The following MPDZ variants were observed in gnomAD, a reference collection of about 807,000 sequenced individuals.
MPDZ encodes the protein multiple PDZ domain protein.
In MPDZ, 234 loss-of-function variants were observed where a neutral mutation model predicts 239.1. The ratio of observed to expected loss-of-function variants is 0.98; its 90% CI spans 0.88 to 1.09. The LOEUF (loss-of-function observed/expected upper bound fraction) is 1.09. MPDZ is among the 50% of genes least tolerant of loss of function. The pLI is 0.00. For synonymous variants in MPDZ, 1,048 were observed against 881.3 expected (o/e 1.19, Z -3.35); for missense variants, 3,175 against 2,510.0 (o/e 1.26, Z -5.66).
chr9:13,272,430 A>G (rs1451037049), intron 1 of MPDZ, among the ~76,000 whole-genome samples: 4 of 152,314 alleles, frequency 2.6e-5, no homozygotes, highest in South Asian at 2.1e-4. Context: ...AGCCATTCCA[A>G]TGCTATAGTT....
chr9:13,257,748 C>A (rs914960291), intron 1 of MPDZ, among the ~76,000 whole-genome samples: 1 of 152,004 alleles, frequency 6.6e-6, no homozygotes, highest in Non-Finnish European at 1.5e-5. Flanking sequence ...TAGAGGGTTG[C>A]CAGATTTATC....
At chr9:13,172,167 G>C (rs1314636139) in intron 21 of MPDZ, among the ~76,000 whole-genome samples, 3 of 152,172 alleles carry the variant, frequency 2.0e-5, no homozygotes, top group Non-Finnish European at 4.4e-5. Flanking sequence ...GCCTTGGCAT[G>C]CAGTAAATTT....
chr9:13,168,874 T>C (rs1297671401), intron 21 of MPDZ, among the ~76,000 whole-genome samples: 7 of 152,176 alleles, frequency 4.6e-5, no homozygotes, highest in Non-Finnish European at 1.5e-5. Context: ...GAGAGTACTA[T>C]GATAGTATCA....
chr9:13,135,937 GTCT>G, intron 31 of MPDZ, 152 bp downstream of exon 31: 1 of 535,300 alleles, frequency 1.9e-6, no homozygotes, highest in Non-Finnish European at 3.3e-6. Flanking sequence ...TTCCATGAGT[GTCT>G]TCTTATACTA....
At chr9:13,146,617 C>A (rs1354942378) in intron 26 of MPDZ, among the ~76,000 whole-genome samples, 1 of 151,798 alleles carries the variant, frequency 6.6e-6, no homozygotes, top group Non-Finnish European at 1.5e-5. Flanking sequence ...TAACTTAAAT[C>A]CAAAAAAGGA....
Position 13,106,290 on chromosome 9 carries a change from T to C in MPDZ, c.*675A>G, listed in dbSNP as rs1294644279. On this transcript the variant is annotated 3_prime_UTR_variant, in exon 47 of 47. Transcript: ENST00000319217. ...AAAAATAAGAATGAAAATTGAAATG[T>C]GCATTAAATATAATTTCTTTATAAA... The C allele has an allele frequency of 6.6e-6, 1 of 152,156 alleles. No individual in the cohort carries two copies. The highest frequency in any genetic ancestry group is 1.5e-5 in the Non-Finnish European group (1 of 68,008). The allele number at this position is 152,156 out of a possible 1,614,324, so 9.4% of individuals were successfully genotyped here.
At chr9:13,125,717 A>G (rs543219158) in intron 34 of MPDZ, among the ~76,000 whole-genome samples, 1 of 152,330 alleles carries the variant, frequency 6.6e-6, no homozygotes, top group African/African-American at 2.4e-5. Context: ...CTTAGAAGAT[A>G]TATGGGTTAT....
intron 1 of MPDZ, among the ~76,000 whole-genome samples, chr9:13,255,834 A>C (rs981450157): frequency 6.6e-6 from 1 of 152,194 alleles, no homozygotes; most frequent in Non-Finnish European, 1.5e-5. Flanking sequence ...AAAATTTTTG[A>C]AATGGTAAAT....
At chr9:13,259,972 T>G (rs1269825197) in intron 1 of MPDZ, among the ~76,000 whole-genome samples, 1 of 151,684 alleles carries the variant, frequency 6.6e-6, no homozygotes, top group Non-Finnish European at 1.5e-5. Context: ...TAGCTGAGAT[T>G]ACAGGCACCT....
At chr9:13,137,074 A>G (rs1331155043) in intron 29 of MPDZ, among the ~76,000 whole-genome samples, 1 of 152,128 alleles carries the variant, frequency 6.6e-6, no homozygotes, top group African/African-American at 2.4e-5. Context: ...ACTGCAGGAG[A>G]GTAGACAACA....
At chr9:13,171,100 T>G (rs1387503640) in intron 21 of MPDZ, among the ~76,000 whole-genome samples, 1 of 152,104 alleles carries the variant, frequency 6.6e-6, no homozygotes, top group Non-Finnish European at 1.5e-5. Context: ...TACTTACCTT[T>G]AAAAAGGGAT....
chr9:13,237,768 C>T (rs932844858), intron 3 of MPDZ, among the ~76,000 whole-genome samples: 12 of 152,112 alleles, frequency 7.9e-5, no homozygotes, highest in East Asian at 1.9e-4. Flanking sequence ...GTATCTGCCA[C>T]CTTGAGCTTG....
Position 13,223,636 on chromosome 9 carries a change from T to G in MPDZ, c.468A>C (p.Arg156Ser). Residue 156 changes from arginine (R) to serine (S), a missense_variant, in exon 5 of 47, where the codon AGA becomes AGC. By Grantham distance (110) the Arg-to-Ser change is moderately radical. Coordinates refer to ENST00000319217, the MANE Select transcript of MPDZ (RefSeq NM_001378778.1). ...TTCCCAGCTCTCCTCTGTTTTCACT[T>G]CTTAGTCCCACAACACTAAACCCAA... ...GGLGFSVVGL[R>S]SENRGELGIF... The G allele has an allele frequency of 6.2e-7, 1 of 1,612,512 alleles. No individual in the cohort carries two copies. Among genetic ancestry groups the G allele is most frequent in the Non-Finnish European group, 8.5e-7 (1 of 1,179,088 alleles).
intron 21 of MPDZ, among the ~76,000 whole-genome samples, chr9:13,175,520 A>G (rs547796507): frequency 6.2e-4 from 95 of 152,296 alleles, no homozygotes; most frequent in Non-Finnish European, 1.1e-3. Context: ...AATGTAAATG[A>G]GGCTTGTGAA....
chr9:13,260,249 T>C (rs933896887), intron 1 of MPDZ, among the ~76,000 whole-genome samples: 7 of 151,866 alleles, frequency 4.6e-5, no homozygotes, highest in Non-Finnish European at 1.0e-4. Flanking sequence ...AAGCTATGGA[T>C]AAAGAAGCCA....
At chr9:13,174,425 C>A (rs1169824726) in intron 21 of MPDZ, among the ~76,000 whole-genome samples, 2 of 152,026 alleles carry the variant, frequency 1.3e-5, no homozygotes, top group African/African-American at 4.8e-5. Flanking sequence ...AAATCTCTGC[C>A]TTATCAATTA....
At position 13,246,600 on chromosome 9, in the gene MPDZ, C is replaced by T. The variant is rs865979992; in HGVS notation, c.183+1035G>A. ...AGGTATTTGTGAAGATTCTTCTTGA[C>T]TTAACTTTTTTTGCTACAAAATATT... On this transcript the variant is annotated intron_variant, in intron 3 of 46. Coordinates refer to ENST00000319217, the MANE Select transcript of MPDZ (RefSeq NM_001378778.1). 9.2e-5 allele frequency among the ~76,000 whole-genome samples: 14 copies of T among 152,244 alleles called. No individual in the cohort carries two copies. The South Asian group carries it at 2.9e-3, about 32-fold the overall frequency.
Position 13,272,148 on chromosome 9 carries a change from C to T in MPDZ, c.-58+7252G>A, listed in dbSNP as rs139532806. Among the ~76,000 whole-genome samples, 82 of 152,024 alleles carry T rather than the reference C, an allele frequency of 5.4e-4. 2 individuals carry two copies. The East Asian group carries it at 0.01, about 19-fold the overall frequency. ...AGTTTATTGTCAATTATGACTTATA[C>T]CACAATAAAACAGTTAAACAATTAT... On this transcript the variant is annotated intron_variant, in intron 1 of 46. Coordinates refer to ENST00000319217, the MANE Select transcript of MPDZ (RefSeq NM_001378778.1).
At chr9:13,244,480 G>C (rs779527047) in intron 3 of MPDZ, among the ~76,000 whole-genome samples, 1 of 152,066 alleles carries the variant, frequency 6.6e-6, no homozygotes, top group Non-Finnish European at 1.5e-5. Context: ...AAATGAACCA[G>C]AGCTATTAGA....
Sources: allele counts gnomAD v4.1 joint callset (sites outside exome capture counted in the v4.1 genomes callset), GRCh38; gene constraint gnomAD v4.1.1; transcripts MANE v1.5; gene names NCBI Gene and HGNC (gene_info 2026-07-23, HGNC 2026-07-21).